CLUAP1: variants seen among roughly 807,000 people sequenced by gnomAD.
The protein encoded by CLUAP1 is intraflagellar transport 38.
In CLUAP1, 50 loss-of-function variants were observed where a neutral mutation model predicts 55.0. The observed-to-expected ratio is 0.91, with a 90% CI of 0.72 to 1.15. The LOEUF (loss-of-function observed/expected upper bound fraction) is 1.15, where lower values mean the gene tolerates loss of function less well. CLUAP1 is among the 50% of genes most tolerant of loss of function. The pLI, the probability that CLUAP1 is intolerant of heterozygous loss-of-function variation, is 0.00. For synonymous variants in CLUAP1, 195 were observed against 175.4 expected, an observed-to-expected ratio of 1.11 and a Z score of -0.88; for missense variants, 530 against 507.6, an observed-to-expected ratio of 1.04 and a Z score of -0.42.
chr16:3,506,257 C>A, intron 2 of CLUAP1, 74 bp from the exon 3 acceptor site: 1 of 1,192,868 alleles, frequency 8.4e-7, no homozygotes, highest in Non-Finnish European at 1.3e-6. Flanking sequence ...GCTGTCCTCT[C>A]AGTTGCCCAC....
chr16:3,522,299 G>T (rs1218998456), intron 7 of CLUAP1, among the ~76,000 whole-genome samples: 1 of 150,332 alleles, frequency 6.7e-6, no homozygotes, highest in Non-Finnish European at 1.5e-5. Flanking sequence ...GAGTAGCTGG[G>T]ATTACAGGCA....
upstream of CLUAP1, among the ~76,000 whole-genome samples, chr16:3,499,223 T>C (rs1307233378): frequency 6.6e-6 from 1 of 152,214 alleles, no homozygotes; most frequent in Admixed American, 6.5e-5. Flanking sequence ...CGCGCGTCTG[T>C]AATCCCAGCT....
chr16:3,530,591 A>G lies in CLUAP1; in HGVS notation c.952A>G (p.Ile318Val). The change falls in exon 10 of 12, where the codon ATC (isoleucine) becomes GTC (valine). Residue 318 changes from isoleucine to valine, a missense_variant. Ile to Val is a conservative substitution (Grantham distance 29, BLOSUM62 3). Coordinates refer to ENST00000576634, the MANE Select transcript of CLUAP1 (RefSeq NM_015041.3). Reference protein sequence around the residue: ...SGSNDDSDIDIQEDDESDSEL... With the variant: ...SGSNDDSDIDVQEDDESDSEL... Reference sequence around the variant, plus strand: ...AGGTAACGATGACTCGGACATAGACATCCAGGAGGACGATGAATCCGACAG... The same window carrying G: ...AGGTAACGATGACTCGGACATAGACGTCCAGGAGGACGATGAATCCGACAG... 1 of 1,614,018 alleles carries G rather than the reference A, an allele frequency of 6.2e-7. No homozygotes were observed. Among genetic ancestry groups the G allele is most frequent in the Non-Finnish European group, 8.5e-7 (1 of 1,179,960 alleles).
At chr16:3,501,273 C>T (rs1264806121) in intron 1 of CLUAP1, among the ~76,000 whole-genome samples, 184 bp downstream of exon 1, 1 of 152,238 alleles carries the variant, frequency 6.6e-6, no homozygotes. Context: ...GGCCCTTCTT[C>T]GGCCATTTCT....
At chr16:3,508,868 G>A (rs999841456) in intron 4 of CLUAP1, among the ~76,000 whole-genome samples, 3 of 150,462 alleles carry the variant, frequency 2.0e-5, no homozygotes, top group Admixed American at 6.6e-5. Context: ...GATCAGGAAG[G>A]CCTCATGGAT....
chr16:3,508,507 TTGA>T, intron 4 of CLUAP1, 39 bp downstream of exon 4: 1 of 1,491,900 alleles, frequency 6.7e-7, no homozygotes, highest in Non-Finnish European at 8.9e-7. Flanking sequence ...CGATGGAGCG[TTGA>T]TTTCTTGAGC....
intron 1 of CLUAP1, among the ~76,000 whole-genome samples, chr16:3,501,557 C>A (rs946774215): frequency 9.5e-4 from 144 of 152,206 alleles, no homozygotes; most frequent in African/African-American, 3.3e-3. Flanking sequence ...CCGAGGCGGG[C>A]GAATCACCTG....
At chr16:3,512,618 A>G in intron 5 of CLUAP1, 140 bp downstream of exon 5, 1 of 546,046 alleles carries the variant, frequency 1.8e-6, no homozygotes, top group Middle Eastern at 4.8e-4. Context: ...GTGATAGAGG[A>G]TATTAGCTGT....
At chr16:3,497,778 C>T (rs1779952469), upstream of CLUAP1, among the ~76,000 whole-genome samples, 1 of 152,102 alleles carries the variant, frequency 6.6e-6, no homozygotes, top group South Asian at 2.1e-4. Flanking sequence ...TGTGCACCAC[C>T]AGGCCTGGCT....
rs540371298 is a variant in CLUAP1, at chr16:3,528,977, G to A, written c.929-1591G>A. On this transcript the variant is annotated intron_variant, in intron 9 of 11. Transcript: ENST00000576634. ...TTTGTGCTGCTGTAACAGAATACCTGAGACTGGGTAATTATATATTTTACA... is the reference window on the plus strand; with the variant it reads ...TTTGTGCTGCTGTAACAGAATACCTAAGACTGGGTAATTATATATTTTACA... Among the ~76,000 whole-genome samples the A allele has an allele frequency of 2.6e-5, 4 of 152,150 alleles. No individual in the cohort carries two copies. In the South Asian group the frequency reaches 8.3e-4, roughly 32 times the overall value.
chr16:3,536,109 T>G lies in CLUAP1; in HGVS notation c.1093-13T>G. The G allele has an allele frequency of 6.2e-7, 1 of 1,613,222 alleles. No individual in the cohort carries two copies. The highest frequency in any genetic ancestry group is 1.3e-5 in the African/African-American group (1 of 74,984). Reference sequence around the variant, plus strand: ...CAGGATCCCCCGTTGCATCTGCCATTTTTTTCCTATAGGAGGACTCGGAGG... The same window carrying G: ...CAGGATCCCCCGTTGCATCTGCCATGTTTTTCCTATAGGAGGACTCGGAGG... On this transcript the variant is annotated splice_polypyrimidine_tract_variant and intron_variant, in intron 11 of 11. Transcript: ENST00000576634.
chr16:3,509,292 A>T (rs775663595), intron 4 of CLUAP1, among the ~76,000 whole-genome samples: 2 of 152,156 alleles, frequency 1.3e-5, no homozygotes, highest in Non-Finnish European at 2.9e-5. Context: ...AGGAAAAGCA[A>T]GGAGGCCGTG....
intron 6 of CLUAP1, among the ~76,000 whole-genome samples, chr16:3,519,640 C>T (rs2037795840): frequency 6.6e-6 from 1 of 152,188 alleles, no homozygotes; most frequent in African/African-American, 2.4e-5. Context: ...GGACACTCTT[C>T]TTTGCATCTT....
rs34115694 is a variant in CLUAP1, at chr16:3,506,398, G to T, written c.202G>T (p.Ala68Ser). The change falls in exon 3 of 12, where the codon GCA (alanine) becomes TCA (serine). Residue 68 changes from alanine to serine, a missense_variant. Physicochemically the swap from Ala to Ser is moderately conservative, Grantham distance 99. Transcript: ENST00000576634. ...TEQDRVFFIKAIAQFMATKAH... is the reference protein window; with the variant it reads ...TEQDRVFFIKSIAQFMATKAH... ...ACAGGACCGAGTTTTCTTCATTAAG[G>T]CAATTGCCCAGTTCATGGTTAGTGG... is the stretch of plus-strand genomic sequence containing the variant. 4.2e-3 allele frequency: 6,699 copies of T among 1,613,752 alleles called. 235 individuals are homozygous for T. The African/African-American group carries it at 0.077, about 18-fold the overall frequency.
intron 3 of CLUAP1, 135 bp from the exon 4 acceptor site, chr16:3,508,154 C>T (rs887147834): frequency 1.3e-5 from 9 of 697,994 alleles, no homozygotes; most frequent in Non-Finnish European, 1.9e-5. Context: ...ATGTTTGAGT[C>T]ACTTGAATGC....
At chr16:3,521,887 T>C (rs987245968) in intron 7 of CLUAP1, among the ~76,000 whole-genome samples, 1 of 151,728 alleles carries the variant, frequency 6.6e-6, no homozygotes, top group Non-Finnish European at 1.5e-5. Context: ...AAACCCCATC[T>C]CTACAAAAAA....
chr16:3,531,231 C>CT (rs1249157402), intron 10 of CLUAP1, among the ~76,000 whole-genome samples: 2 of 152,132 alleles, frequency 1.3e-5, no homozygotes, highest in Non-Finnish European at 2.9e-5. Context: ...GCTCTTAAAA[C>CT]TAAGTTAAGC....
rs532687536 is a variant in CLUAP1 at position 3,515,969 on chromosome 16, A to G, written c.579+378A>G. ...CACTGTAATAAGTAGAAGGATCACT[A>G]TTGTTTACTGCTCGCTCACATCAGT... is the stretch of plus-strand genomic sequence containing the variant. On this transcript the variant is annotated intron_variant, in intron 6 of 11. Transcript: ENST00000576634. 6.6e-5 allele frequency among the ~76,000 whole-genome samples: 10 copies of G among 152,304 alleles called. No homozygotes were observed. In the East Asian group the frequency reaches 1.3e-3, roughly 21 times the overall value.
chr16:3,512,767 G>A (rs1237837264), intron 5 of CLUAP1, among the ~76,000 whole-genome samples: 4 of 152,070 alleles, frequency 2.6e-5, no homozygotes, highest in African/African-American at 4.8e-5. Flanking sequence ...TGCAAGCTCC[G>A]CCTCCCAGGT....
Sources: gnomAD v4.1 joint callset for allele counts (sites outside exome capture counted in the v4.1 genomes callset) on GRCh38, gnomAD v4.1.1 for gene constraint, MANE v1.5 for transcripts, NCBI Gene and HGNC (gene_info 2026-07-23, HGNC 2026-07-21) for gene names.